The following ABCC4 variants were observed in gnomAD, a reference collection of about 807,000 sequenced individuals.
The protein encoded by ABCC4 is ATP binding cassette subfamily C member 4 (PEL blood group).
ABCC4 carries 102 observed loss-of-function variants against 168.5 expected under a neutral mutation model. The observed-to-expected ratio is 0.61, with a 90% CI of 0.52 to 0.71. The LOEUF (loss-of-function observed/expected upper bound fraction) is 0.71, where lower values mean the gene tolerates loss of function less well. ABCC4 is among the 30% of genes least tolerant of loss of function. The pLI, the probability that ABCC4 is intolerant of heterozygous loss-of-function variation, is 0.00. For missense variants in ABCC4, 1,402 were observed against 1,605.8 expected, an observed-to-expected ratio of 0.87 and a Z score of 2.17; for synonymous variants, 617 against 590.7, an observed-to-expected ratio of 1.04 and a Z score of -0.65.
chr13:95,264,596 A>C (rs2040619020), intron 1 of ABCC4, among the ~76,000 whole-genome samples: 1 of 152,134 alleles, frequency 6.6e-6, no homozygotes, highest in Admixed American at 6.5e-5. Context: ...GAATGTGATG[A>C]CCTGAATATT....
At chr13:95,064,289 TATATATATAC>T (rs776422285) in intron 25 of ABCC4, among the ~76,000 whole-genome samples, 10,873 of 113,682 alleles carry the variant, frequency 0.096, 521 homozygotes, top group Middle Eastern at 0.13. Flanking sequence ...TATATATATA[TATATATATAC>T]ACACACACAC....
intron 20 of ABCC4, among the ~76,000 whole-genome samples, chr13:95,106,879 C>T (rs889694388): frequency 1.3e-5 from 2 of 152,130 alleles, no homozygotes; most frequent in African/African-American, 4.8e-5. Context: ...CTCTTTCACA[C>T]ATGAAATAAG....
intron 20 of ABCC4, among the ~76,000 whole-genome samples, chr13:95,107,065 T>C (rs1356475520): frequency 6.6e-6 from 1 of 152,118 alleles, no homozygotes; most frequent in African/African-American, 2.4e-5. Flanking sequence ...AAGACCAGCC[T>C]GGCCAACATG....
At chr13:95,062,391 T>C (rs1490325001) in intron 26 of ABCC4, among the ~76,000 whole-genome samples, 1 of 152,086 alleles carries the variant, frequency 6.6e-6, no homozygotes, top group Non-Finnish European at 1.5e-5. Flanking sequence ...TCCCCAGTGC[T>C]AAACAAACAA....
rs115296744 is a variant in ABCC4, at chr13:95,135,201, C to T, written c.2456-19200G>A. 4.2e-3 allele frequency among the ~76,000 whole-genome samples: 644 copies of T among 152,222 alleles called. 3 individuals carry two copies. The highest frequency in any genetic ancestry group is 0.014 in the African/African-American group (563 of 41,524). The stretch of plus-strand genomic sequence containing the variant: ...TAGCTATCTGCAAGAGACACCAGCA[C>T]GAGCTTGAGAATCCCACCATTTTAA... On this transcript the variant is annotated intron_variant, in intron 19 of 30. Transcript: ENST00000645237.
intron 10 of ABCC4, among the ~76,000 whole-genome samples, chr13:95,187,757 T>C (rs1394741821): frequency 6.6e-6 from 1 of 152,242 alleles, no homozygotes; most frequent in Non-Finnish European, 1.5e-5. Flanking sequence ...CTATTTGTTA[T>C]ACACCTACAA....
intron 30 of ABCC4, among the ~76,000 whole-genome samples, chr13:95,024,696 T>A (rs1000959791): frequency 4.6e-5 from 7 of 152,194 alleles, no homozygotes; most frequent in Non-Finnish European, 1.0e-4. Flanking sequence ...TCATCATTTT[T>A]AAAGCCAGTC....
intron 5 of ABCC4, 22 bp from the exon 6 acceptor site, chr13:95,209,619 G>A (rs781540464): frequency 1.6e-5 from 25 of 1,594,836 alleles, no homozygotes; most frequent in Admixed American, 1.4e-4. Flanking sequence ...AAGACAGAGC[G>A]TTCTTAGGAC....
At chr13:95,164,709 T>G (rs2037215327) in intron 15 of ABCC4, among the ~76,000 whole-genome samples, 191 bp from the exon 16 acceptor site, 1 of 151,932 alleles carries the variant, frequency 6.6e-6, no homozygotes, top group Non-Finnish European at 1.5e-5. Flanking sequence ...TTAATTTTTT[T>G]TTGACTCAGA....
At chr13:95,193,089 A>G (rs2139639145) in intron 9 of ABCC4, among the ~76,000 whole-genome samples, 1 of 152,372 alleles carries the variant, frequency 6.6e-6, no homozygotes, top group Admixed American at 6.5e-5. Flanking sequence ...CATCAGAATT[A>G]GGCAAACATG....
At chr13:95,136,677 C>T (rs966370401) in intron 19 of ABCC4, among the ~76,000 whole-genome samples, 4 of 152,220 alleles carry the variant, frequency 2.6e-5, no homozygotes, top group African/African-American at 9.6e-5. Context: ...GGAAATTCCA[C>T]AGCCACACAT....
At chr13:95,158,494 G>T (rs139331762) in intron 19 of ABCC4, among the ~76,000 whole-genome samples, 1,723 of 152,240 alleles carry the variant, frequency 0.011, 14 homozygotes, top group Non-Finnish European at 0.019. Context: ...GAAACTACAT[G>T]CCAGCAGAGG....
chr13:95,025,273 CCACA>C (rs1566351228), intron 30 of ABCC4, among the ~76,000 whole-genome samples: 11 of 69,836 alleles, frequency 1.6e-4, no homozygotes, highest in South Asian at 5.1e-4. Flanking sequence ...CCCCACACCC[CCACA>C]CACACCCCCA....
At chr13:95,118,088 A>G (rs2035441232) in intron 19 of ABCC4, among the ~76,000 whole-genome samples, 1 of 152,196 alleles carries the variant, frequency 6.6e-6, no homozygotes, top group Non-Finnish European at 1.5e-5. Context: ...ACCTCCTCAC[A>G]CAGCTACGCC....
At chr13:95,187,185 A>G (rs894661066) in intron 10 of ABCC4, among the ~76,000 whole-genome samples, 2 of 152,324 alleles carry the variant, frequency 1.3e-5, no homozygotes, top group African/African-American at 4.8e-5. Context: ...ATCAACTAAG[A>G]ATGTTTACAG....
intron 1 of ABCC4, among the ~76,000 whole-genome samples, chr13:95,248,626 G>A (rs1192043274): frequency 7.9e-5 from 12 of 151,494 alleles, no homozygotes; most frequent in Admixed American, 7.2e-4. Context: ...TAATTAACAT[G>A]CACCAGGCAT....
intron 26 of ABCC4, among the ~76,000 whole-genome samples, chr13:95,058,594 A>AAAAAAAAAAAAAAAAAG (rs2033163283): frequency 1.4e-4 from 6 of 41,418 alleles, no homozygotes; most frequent in Admixed American, 3.2e-4. Flanking sequence ...AAAAAAAAAG[A>AAAAAAAAAAAAAAAAAG]AAAGAAAAAG....
intron 26 of ABCC4, among the ~76,000 whole-genome samples, chr13:95,061,188 G>A (rs367664127): frequency 9.8e-5 from 15 of 152,304 alleles, no homozygotes; most frequent in African/African-American, 2.9e-4. Context: ...GTACTGTGAT[G>A]ATCATGGATG....
rs1043395389 is a variant in ABCC4 at position 95,112,683 on chromosome 13, G to A, written c.2535+3239C>T. On this transcript the variant is annotated intron_variant, in intron 20 of 30. Transcript: ENST00000645237. The stretch of plus-strand genomic sequence containing the variant: ...TAACATCTTGACAAAGAAATTTCCA[G>A]TTTTTTTAAACTCAATTGTTTCAGT... Among the ~76,000 whole-genome samples, 86 of 152,146 alleles carry A rather than the reference G, an allele frequency of 5.7e-4. 2 individuals are homozygous for A. The highest frequency in any genetic ancestry group is 5.6e-3 in the Admixed American group (86 of 15,260).
Sources: allele counts gnomAD v4.1 joint callset (sites outside exome capture counted in the v4.1 genomes callset), GRCh38; gene constraint gnomAD v4.1.1; transcripts MANE v1.5; gene names NCBI Gene and HGNC (gene_info 2026-07-23, HGNC 2026-07-21).